The following BNC2 variants were observed in gnomAD, a reference collection of about 807,000 sequenced individuals.
BNC2 encodes basonuclin zinc finger protein 2.
Under a neutral mutation model 76.3 loss-of-function variants are expected in BNC2, and 20 were observed. The observed-to-expected ratio is 0.26, with a 90% CI of 0.18 to 0.38. The LOEUF (loss-of-function observed/expected upper bound fraction) is 0.38, where lower values mean the gene tolerates loss of function less well. Among genes scored for constraint, BNC2 ranks in the 10% least tolerant of loss-of-function variants. BNC2 has a pLI of 1.00. For missense variants in BNC2, 1,382 were observed against 1,399.8 expected, an observed-to-expected ratio of 0.99 and a Z score of 0.20; for synonymous variants, 582 against 514.8, an observed-to-expected ratio of 1.13 and a Z score of -1.77.
At chr9:16,824,416 A>G (rs1254750514) in intron 1 of BNC2, among the ~76,000 whole-genome samples, 1 of 152,192 alleles carries the variant, frequency 6.6e-6, no homozygotes, top group Non-Finnish European at 1.5e-5. Context: ...AAGGCCACAT[A>G]TATGACACTC....
At chr9:16,694,626 T>C (rs1043979957) in intron 3 of BNC2, among the ~76,000 whole-genome samples, 1 of 152,162 alleles carries the variant, frequency 6.6e-6, no homozygotes, top group Non-Finnish European at 1.5e-5. Context: ...TAATGTAGCA[T>C]GTCGAAGATC....
chr9:16,667,958 T>C (rs1822351203), intron 3 of BNC2, among the ~76,000 whole-genome samples: 2 of 152,194 alleles, frequency 1.3e-5, no homozygotes, highest in African/African-American at 4.8e-5. Context: ...TTTCCTGTCC[T>C]CTGTGATTCC....
At chr9:16,581,308 C>T (rs757971081) in intron 4 of BNC2, among the ~76,000 whole-genome samples, 11 of 152,148 alleles carry the variant, frequency 7.2e-5, no homozygotes, top group Non-Finnish European at 1.3e-4. Context: ...ACCTATAATC[C>T]CAGCACTCTG....
intron 1 of BNC2, among the ~76,000 whole-genome samples, chr9:16,819,986 G>A (rs1432621034): frequency 2.6e-5 from 4 of 151,874 alleles, no homozygotes; most frequent in African/African-American, 4.8e-5. Context: ...TTAGCTAGGC[G>A]TGATGGTGGG....
intron 6 of BNC2, among the ~76,000 whole-genome samples, chr9:16,433,597 T>C (rs149333174): frequency 6.6e-6 from 1 of 152,312 alleles, no homozygotes; most frequent in East Asian, 1.9e-4. Flanking sequence ...TTTCCTCAGA[T>C]AAACCAACAA....
intron 1 of BNC2, among the ~76,000 whole-genome samples, chr9:16,762,974 G>A (rs1327640058): frequency 1.3e-5 from 2 of 152,088 alleles, no homozygotes; most frequent in African/African-American, 4.8e-5. Context: ...AGAAAATCAA[G>A]GAAGAAAGGT....
At position 16,659,395 on chromosome 9, in the gene BNC2, G is replaced by A. The variant is rs138385608; in HGVS notation, c.330+68402C>T. ...GGGGCCGAGGTGGGCAGATCAGGAG[G>A]TCAGGAGATTGAGACCATCCTGGCC... On this transcript the variant is annotated intron_variant, in intron 3 of 6. Transcript: ENST00000380672. Among the ~76,000 whole-genome samples the A allele has an allele frequency of 4.4e-4, 67 of 152,108 alleles. No homozygotes were observed. In the East Asian group the frequency reaches 0.012, roughly 28 times the overall value.
At chr9:16,615,860 G>C (rs968711188) in intron 3 of BNC2, among the ~76,000 whole-genome samples, 1 of 152,016 alleles carries the variant, frequency 6.6e-6, no homozygotes, top group African/African-American at 2.4e-5. Flanking sequence ...CATGACAATT[G>C]AGCATGATTG....
Position 16,616,794 on chromosome 9 carries a change from A to AGGAAGGAAGGAAGGAG in BNC2, c.331-33710_331-33709insCTCCTTCCTTCCTTCC, listed in dbSNP as rs1554689379. Among the ~76,000 whole-genome samples, 3 of 141,946 alleles carry AGGAAGGAAGGAAGGAG rather than the reference A, an allele frequency of 2.1e-5. No individual in the cohort carries two copies. The East Asian group carries it at 6.4e-4, about 30-fold the overall frequency. The allele number at this position is 141,946 out of a possible 152,430, so 93.1% of individuals were successfully genotyped here. ...GGGAGGGGAGGGGAGGAAGGAGGGA[A>AGGAAGGAAGGAAGGAG]GGAAGGAAGGAAGGAAGGAAGGAAG... On this transcript the variant is annotated intron_variant, in intron 3 of 6. Transcript: ENST00000380672.
chr9:16,741,957 C>CAAAAAAAA (rs35573018), intron 1 of BNC2, among the ~76,000 whole-genome samples: 21 of 79,352 alleles, frequency 2.6e-4, no homozygotes, highest in Non-Finnish European at 2.9e-4. Context: ...GGCTCCATCT[C>CAAAAAAAA]AAAAAAAAAA....
intron 5 of BNC2, among the ~76,000 whole-genome samples, chr9:16,536,367 T>A (rs1193713979): frequency 6.6e-6 from 1 of 152,312 alleles, no homozygotes; most frequent in East Asian, 1.9e-4. Context: ...CTATGTGGTC[T>A]TTCTTGTTGT....
chr9:16,581,022 A>T lies in BNC2; in HGVS notation c.433+1961T>A, dbSNP rs563865775. 5.3e-5 allele frequency among the ~76,000 whole-genome samples: 8 copies of T among 152,262 alleles called. No individual in the cohort carries two copies. In the South Asian group the frequency reaches 1.2e-3, roughly 24 times the overall value. On this transcript the variant is annotated intron_variant, in intron 4 of 6. Transcript: ENST00000380672. ...ATGGTTCTGATGAGTTTAGGATATA[A>T]GCTCTGTACCTATTACCCAGCAAAA...
rs59888253 is a variant in BNC2 at position 16,732,162 on chromosome 9, A to AAAAAAAGAAAAAG, written c.130-4166_130-4165insCTTTTTCTTTTTT. ...GTTTTTCCCTCCATTTCCTGCAAAA[A>AAAAAAAGAAAAAG]AAAAAGAAAAAGAAACAAAAAAGAA... On this transcript the variant is annotated intron_variant, in intron 2 of 6. Transcript: ENST00000380672. Among the ~76,000 whole-genome samples the AAAAAAAGAAAAAG allele has an allele frequency of 2.6e-3, 320 of 123,586 alleles. 6 individuals are homozygous for AAAAAAAGAAAAAG. The highest frequency in any genetic ancestry group is 8.7e-3 in the African/African-American group (297 of 33,962). 81.1% of individuals were successfully genotyped at this position (123,586 alleles called of 152,430 possible). A position where few individuals can be genotyped will look rare whatever the true frequency, so the allele number is the denominator to read the frequency against.
chr9:16,864,121 C>G (rs1819479126), intron 1 of BNC2, among the ~76,000 whole-genome samples: 1 of 152,100 alleles, frequency 6.6e-6, no homozygotes, highest in Admixed American at 6.5e-5. Flanking sequence ...CATCCTTTTT[C>G]TCCTCTGCAT....
intron 3 of BNC2, among the ~76,000 whole-genome samples, chr9:16,678,079 G>A (rs1431637102): frequency 1.3e-5 from 2 of 151,540 alleles, no homozygotes; most frequent in African/African-American, 4.9e-5. Context: ...AGAGAATAAT[G>A]GAAAGGAAAA....
At chr9:16,839,112 T>C (rs1489782914) in intron 1 of BNC2, among the ~76,000 whole-genome samples, 2 of 152,216 alleles carry the variant, frequency 1.3e-5, no homozygotes, top group Non-Finnish European at 2.9e-5. Context: ...ACATAGTGGA[T>C]TAAACTGTTA....
intron 1 of BNC2, among the ~76,000 whole-genome samples, chr9:16,848,237 C>A (rs1819037049): frequency 6.6e-6 from 1 of 152,118 alleles, no homozygotes; most frequent in South Asian, 2.1e-4. Flanking sequence ...AAAAAGGAGG[C>A]AGACTTCAAG....
chr9:16,410,666 A>T lies in BNC2; in HGVS notation c.*8323T>A, dbSNP rs1820440487. The T allele has an allele frequency of 6.6e-6, 1 of 152,534 alleles. No individual in the cohort carries two copies. Among genetic ancestry groups the T allele is most frequent in the South Asian group, 2.1e-4 (1 of 4,830 alleles). The allele number at this position is 152,534 out of a possible 1,614,324, so 9.4% of individuals were successfully genotyped here. A position where few individuals can be genotyped will look rare whatever the true frequency, so the allele number is the denominator to read the frequency against. On this transcript the variant is annotated 3_prime_UTR_variant, in exon 7 of 7. Coordinates refer to ENST00000380672, the MANE Select transcript of BNC2 (RefSeq NM_017637.6). ...ACACGTTTCCAAAGCAATTAAAACC[A>T]AGATGAGGGAGGGCGTGTTCTACCT...
chr9:16,463,338 C>T lies in BNC2; in HGVS notation c.670-25814G>A, dbSNP rs577058945. Among the ~76,000 whole-genome samples the T allele has an allele frequency of 2.2e-3, 292 of 132,310 alleles. 11 individuals are homozygous for T. The highest frequency in any genetic ancestry group is 0.02 in the Admixed American group (262 of 13,080). The allele number at this position is 132,310 out of a possible 152,430, so 86.8% of individuals were successfully genotyped here. A position where few individuals can be genotyped will look rare whatever the true frequency, so the allele number is the denominator to read the frequency against. On this transcript the variant is annotated intron_variant, in intron 5 of 6. Coordinates refer to ENST00000380672, the MANE Select transcript of BNC2 (RefSeq NM_017637.6). ...TTGAGACGGAGTCTCGCTCTGTCGC[C>T]CAGGCTGGAGTGCAGTGGCGGGATC...
Sources: allele counts gnomAD v4.1 joint callset (sites outside exome capture counted in the v4.1 genomes callset), GRCh38; gene constraint gnomAD v4.1.1; transcripts MANE v1.5; gene names NCBI Gene and HGNC (gene_info 2026-07-23, HGNC 2026-07-21).